The following PCDHGB1 variants were observed in gnomAD, a reference collection of about 807,000 sequenced individuals.
PCDHGB1 encodes the protein protocadherin gamma-B1.
A neutral mutation model predicts 56.6 loss-of-function variants in PCDHGB1; 34 were observed. The ratio of observed to expected loss-of-function variants is 0.60; its 90% CI spans 0.46 to 0.80. The LOEUF is 0.80. Among genes scored for constraint, PCDHGB1 ranks in the 30% least tolerant of loss-of-function variants. PCDHGB1 has a pLI of 0.00. For synonymous variants in PCDHGB1, 561 were observed against 505.9 expected (o/e 1.11, Z -1.46); for missense variants, 1,278 against 1,204.6 (o/e 1.06, Z -0.90).
chr5:141,486,909 C>T lies in PCDHGB1; in HGVS notation c.2410-7898C>T, dbSNP rs759702188. ...CGGCCTGGTTCCTTATGTCCCCAAGCACTGCCTCCATCAGTTGGTGCTGGC... is the reference window on the plus strand; with the variant it reads ...CGGCCTGGTTCCTTATGTCCCCAAGTACTGCCTCCATCAGTTGGTGCTGGC... On this transcript the variant is annotated intron_variant, in intron 1 of 3. Transcript: ENST00000523390. This position sits in a 1 kb window ranked among gnomAD's most constrained non-coding sequence, Gnocchi z 5.0. 2 of 1,614,262 alleles carry T rather than the reference C, an allele frequency of 1.2e-6. No homozygotes were observed. Among genetic ancestry groups the T allele is most frequent in the Non-Finnish European group, 1.7e-6 (2 of 1,180,054 alleles).
intron 1 of PCDHGB1, chr5:141,412,700 G>C (rs537095191): frequency 6.6e-6 from 1 of 152,574 alleles, no homozygotes; most frequent in South Asian, 2.1e-4. Flanking sequence ...TTTTATTAAA[G>C]TGTGTACATT....
chr5:141,394,004 A>C (rs1220367944), intron 1 of PCDHGB1: 3 of 1,613,496 alleles, frequency 1.9e-6, no homozygotes. Flanking sequence ...TAGAAAAGTC[A>C]ATAGGTAATT....
intron 1 of PCDHGB1, among the ~76,000 whole-genome samples, chr5:141,462,941 G>A (rs1667222225): frequency 6.6e-6 from 1 of 152,158 alleles, no homozygotes; most frequent in Non-Finnish European, 1.5e-5. Flanking sequence ...TTCAAGGCTT[G>A]TTTTTAAGCT....
chr5:141,372,511 C>T, intron 1 of PCDHGB1: 3 of 1,614,022 alleles, frequency 1.9e-6, no homozygotes, highest in Non-Finnish European at 2.5e-6. Context: ...TTCCTCCTCG[C>T]GGTGATTCTG....
chr5:141,420,089 A>G lies in PCDHGB1; in HGVS notation c.2409+67420A>G. On this transcript the variant is annotated intron_variant, in intron 1 of 3. Transcript: ENST00000523390. The stretch of plus-strand genomic sequence containing the variant: ...CGGACCTGTGGGTCCCCCCAACTAC[A>G]GTGAGGGAACGTTGCCCTATGCCTA... 2.5e-6 allele frequency: 4 copies of G among 1,613,986 alleles called. No individual in the cohort carries two copies. Among genetic ancestry groups the G allele is most frequent in the Middle Eastern group, 1.6e-4 (1 of 6,062 alleles).
intron 1 of PCDHGB1, chr5:141,366,543 C>T (rs1287231126): frequency 6.8e-6 from 11 of 1,614,124 alleles, no homozygotes; most frequent in Non-Finnish European, 8.5e-6. Context: ...GTGCCCGCCT[C>T]GCACTTTGTG....
chr5:141,478,292 C>T, intron 1 of PCDHGB1: 1 of 1,614,146 alleles, frequency 6.2e-7, no homozygotes, highest in Non-Finnish European at 8.5e-7. Flanking sequence ...GTCTAGAGAC[C>T]TATACCGAGC....
intron 1 of PCDHGB1, chr5:141,394,424 C>G (rs781695042): frequency 6.2e-7 from 1 of 1,614,222 alleles, no homozygotes; most frequent in East Asian, 2.2e-5. Flanking sequence ...CCAGCGACAG[C>G]GGGGACCCGC....
intron 1 of PCDHGB1, among the ~76,000 whole-genome samples, chr5:141,457,836 C>T (rs1418402508): frequency 6.6e-6 from 1 of 152,202 alleles, no homozygotes; most frequent in African/African-American, 2.4e-5. Context: ...GCTTCCAGAC[C>T]TGTTAGAAAG....
intron 1 of PCDHGB1, chr5:141,374,822 T>C: frequency 6.2e-7 from 1 of 1,613,984 alleles, no homozygotes; most frequent in Non-Finnish European, 8.5e-7. Context: ...TCAGCCTGTC[T>C]ACCGTGTAAG....
chr5:141,507,691 A>G (rs777728143), intron 3 of PCDHGB1, among the ~76,000 whole-genome samples: 72 of 152,198 alleles, frequency 4.7e-4, no homozygotes, highest in Non-Finnish European at 6.8e-4. Context: ...CAGAAATGAA[A>G]TCAGTATTTA....
At chr5:141,454,344 G>A (rs1455147295) in intron 1 of PCDHGB1, among the ~76,000 whole-genome samples, 3 of 152,236 alleles carry the variant, frequency 2.0e-5, no homozygotes, top group Non-Finnish European at 4.4e-5. Flanking sequence ...AATGTTGGAA[G>A]TTGATCCAAA....
intron 1 of PCDHGB1, chr5:141,393,233 A>T (rs756421828): frequency 2.7e-5 from 44 of 1,613,664 alleles, no homozygotes; most frequent in Non-Finnish European, 3.4e-5. Context: ...ATCTAGAAGT[A>T]AAAATTAACG....
chr5:141,433,299 T>G, intron 1 of PCDHGB1: 1 of 995,012 alleles, frequency 1.0e-6, no homozygotes, highest in Non-Finnish European at 1.5e-6. Flanking sequence ...GCTCAAGCAA[T>G]TATCCCACCT....
chr5:141,413,578 C>G, intron 1 of PCDHGB1: 1 of 1,613,870 alleles, frequency 6.2e-7, no homozygotes, highest in Non-Finnish European at 8.5e-7. Flanking sequence ...TGACAATGCT[C>G]CAAAATTCCA....
rs759742074 is a variant in PCDHGB1 at position 141,403,012 on chromosome 5, G to T, written c.2409+50343G>T. On this transcript the variant is annotated intron_variant, in intron 1 of 3. Transcript: ENST00000523390. ...GATTAGTCCTGCTATGCTCGCTCCT[G>T]GGGATGCTATGGGAGGCCAGGGCCA... 8.1e-6 allele frequency: 13 copies of T among 1,614,072 alleles called. 1 individual carries two copies. The South Asian group carries it at 1.4e-4, about 18-fold the overall frequency.
In PCDHGB1 at chr5:141,351,748, G is replaced by T. The variant is rs1441562822; in HGVS notation, c.1488G>T (p.Glu496Asp). 2 of 1,613,560 alleles carry T rather than the reference G, an allele frequency of 1.2e-6. No individual in the cohort carries two copies. Among genetic ancestry groups the T allele is most frequent in the East Asian group, 4.5e-5 (2 of 44,898 alleles). Residue 496 changes from glutamate to aspartate, a missense_variant, in exon 1 of 4, where the codon GAG becomes GAT. Glu to Asp is a conservative substitution (Grantham distance 45). Coordinates refer to ENST00000523390, the MANE Select transcript of PCDHGB1 (RefSeq NM_018922.3). Reference protein sequence around the residue: ...SILASDLEPRELLSYVSVSPQ... With the variant: ...SILASDLEPRDLLSYVSVSPQ... ...TGGCCAGTGACCTGGAGCCGCGGGA[G>T]CTGTTGTCCTACGTGTCCGTGAGCC...
At chr5:141,443,050 T>C (rs1290373918) in intron 1 of PCDHGB1, among the ~76,000 whole-genome samples, 1 of 152,236 alleles carries the variant, frequency 6.6e-6, no homozygotes, top group Non-Finnish European at 1.5e-5. Flanking sequence ...AAAATTATTG[T>C]TCCACTGAAG....
At chr5:141,481,647 A>C (rs749515062) in intron 1 of PCDHGB1, among the ~76,000 whole-genome samples, 28 of 151,830 alleles carry the variant, frequency 1.8e-4, no homozygotes, top group African/African-American at 6.5e-4. Context: ...GTGAAACTTC[A>C]TCTCTACTAA....
Sources: gnomAD v4.1 joint callset for allele counts (sites outside exome capture counted in the v4.1 genomes callset) on GRCh38, gnomAD v4.1.1 for gene constraint, Gnocchi (gnomAD v3.1) non-coding constraint, MANE v1.5 for transcripts, NCBI Gene and HGNC (gene_info 2026-07-23, HGNC 2026-07-21) for gene names.